BEGAIN: variants seen among roughly 807,000 people sequenced by gnomAD.
BEGAIN encodes brain enriched guanylate kinase associated.
In BEGAIN, 19 loss-of-function variants were observed where a neutral mutation model predicts 35.8. The ratio of observed to expected loss-of-function variants is 0.53; its 90% confidence interval spans 0.37 to 0.78. The LOEUF (loss-of-function observed/expected upper bound fraction) is 0.78, where lower values mean the gene tolerates loss of function less well. BEGAIN is among the 30% of genes least tolerant of loss of function. BEGAIN has a pLI of 0.00. For synonymous variants in BEGAIN, 462 were observed against 388.6 expected (o/e 1.19, Z -2.22); for missense variants, 795 against 853.6 (o/e 0.93, Z 0.85).
At chr14:100,557,613 TC>T (rs1411564353) in intron 2 of BEGAIN, among the ~76,000 whole-genome samples, 1 of 151,938 alleles carries the variant, frequency 6.6e-6, no homozygotes, top group Non-Finnish European at 1.5e-5. Flanking sequence ...CCCATCACTC[TC>T]CTCATTGTAC....
At chr14:100,544,592 G>C (rs2032110007) in intron 4 of BEGAIN, among the ~76,000 whole-genome samples, 1 of 152,180 alleles carries the variant, frequency 6.6e-6, no homozygotes, top group African/African-American at 2.4e-5. Flanking sequence ...TGGTGTGAGG[G>C]TCCCCACAGA....
intron 2 of BEGAIN, among the ~76,000 whole-genome samples, chr14:100,560,554 T>C (rs1465159714): frequency 1.3e-5 from 2 of 151,970 alleles, no homozygotes; most frequent in African/African-American, 4.8e-5. Flanking sequence ...GGGACGGCCA[T>C]TCCAAATGCC....
intron 1 of BEGAIN, among the ~76,000 whole-genome samples, chr14:100,578,856 CTTTTTTTT>C (rs529546763): frequency 7.9e-6 from 1 of 126,996 alleles, no homozygotes; most frequent in Admixed American, 8.5e-5. Flanking sequence ...GCCTCTGGTA[CTTTTTTTT>C]TTTTTTTTTT....
At chr14:100,562,153 G>C (rs1331342080) in intron 2 of BEGAIN, among the ~76,000 whole-genome samples, 1 of 152,132 alleles carries the variant, frequency 6.6e-6, no homozygotes, top group African/African-American at 2.4e-5. Flanking sequence ...GGTAGTGGGT[G>C]GGTTGGAGGA....
At chr14:100,546,443 C>CCCTCA (rs1371949525) in intron 3 of BEGAIN, 58 bp downstream of exon 3, 1 of 141,592 alleles carries the variant, frequency 7.1e-6, no homozygotes, top group African/African-American at 5.0e-5. Flanking sequence ...CTCGCCCCGC[C>CCCTCA]CCGGCCCTCG....
chr14:100,537,748 A>C lies in BEGAIN; in HGVS notation c.*221T>G. The C allele has an allele frequency of 1.8e-6, 1 of 571,058 alleles. No individual in the cohort carries two copies. The highest frequency in any genetic ancestry group is 2.9e-6 in the Non-Finnish European group (1 of 349,446). The allele number at this position is 571,058 out of a possible 1,614,324, so 35.4% of individuals were successfully genotyped here. A position where few individuals can be genotyped will look rare whatever the true frequency, so the allele number is the denominator to read the frequency against. ...GGGAAGGACGCGTGAAAAACGCTCT[A>C]AGTGGAGTTCCACGGGCCGGGGCCG... On this transcript the variant is annotated 3_prime_UTR_variant, in exon 7 of 7. Transcript: ENST00000554140.
intron 5 of BEGAIN, 100 bp from the exon 6 acceptor site, chr14:100,540,679 G>A (rs2031473273): frequency 1.2e-6 from 1 of 832,558 alleles, no homozygotes; most frequent in East Asian, 2.7e-5. Flanking sequence ...GTGTGCACAG[G>A]GCCTGCTGTG....
intron 1 of BEGAIN, among the ~76,000 whole-genome samples, chr14:100,584,579 ATCAT>A (rs968465411): frequency 2.0e-5 from 3 of 152,302 alleles, no homozygotes; most frequent in African/African-American, 4.8e-5. Context: ...TTAGTCATTC[ATCAT>A]TCATTCATTC....
chr14:100,561,312 C>T (rs892498012), intron 2 of BEGAIN, among the ~76,000 whole-genome samples: 4 of 152,218 alleles, frequency 2.6e-5, no homozygotes, highest in East Asian at 1.9e-4. Flanking sequence ...CCACCCGAGA[C>T]GGGCAGGCCA....
intron 1 of BEGAIN, among the ~76,000 whole-genome samples, chr14:100,576,162 C>T (rs1165403564): frequency 2.0e-5 from 3 of 152,138 alleles, no homozygotes; most frequent in Admixed American, 6.5e-5. Context: ...GCTGCCTGGC[C>T]CCAGCTGGCC....
intron 2 of BEGAIN, 160 bp from the exon 3 acceptor site, chr14:100,546,822 A>C (rs866963091): frequency 3.1e-5 from 17 of 551,602 alleles, no homozygotes; most frequent in African/African-American, 2.1e-4. Flanking sequence ...ACTCACACAC[A>C]CCCAGCCTCC....
At chr14:100,551,999 G>T (rs542461570) in intron 2 of BEGAIN, among the ~76,000 whole-genome samples, 3 of 152,144 alleles carry the variant, frequency 2.0e-5, no homozygotes, top group Non-Finnish European at 4.4e-5. Context: ...GGATGAGTGC[G>T]TTCGCTCGAG....
Position 100,538,938 on chromosome 14 carries a change from C to T in BEGAIN, c.870G>A (p.Glu290=), listed in dbSNP as rs1398438743. ...CCGGGAAGGCCGCCGCCTCGGCCTC[C>T]TCCTCCTCCTCGGCCGCGCTGTCAG... The part of the protein sequence containing the change: ...NSTDSAAEEE[E]EAEAAAFPAG... The change falls in exon 7 of 7, where the codon GAG becomes GAA. Residue 290 remains glutamate (E), a synonymous_variant. Transcript: ENST00000554140. 6.2e-7 allele frequency: 1 copy of T among 1,608,426 alleles called. No homozygotes were observed. Among genetic ancestry groups the T allele is most frequent in the African/African-American group, 1.3e-5 (1 of 74,840 alleles).
intron 2 of BEGAIN, among the ~76,000 whole-genome samples, chr14:100,551,827 C>A (rs2033232465): frequency 6.6e-6 from 1 of 152,044 alleles, no homozygotes; most frequent in Non-Finnish European, 1.5e-5. Flanking sequence ...AGCTGCTCTG[C>A]AGAAGTGGGC....
rs764230930 is a variant in BEGAIN, at chr14:100,539,109, C to T, written c.699G>A (p.Glu233=). ...TGTAGGGGGGCCGCGGGCCTGGTTT[C>T]TCCACCCCGTCGCAGAAGGCCAGGT... The part of the protein sequence containing the change: ...ARDLAFCDGV[E]KPGPRPPYKG... The change falls in exon 7 of 7, where the codon GAG becomes GAA. Residue 233 remains glutamate (E), a synonymous_variant. Transcript: ENST00000554140. 13 of 1,608,932 alleles carry T rather than the reference C, an allele frequency of 8.1e-6. No homozygotes were observed. The highest frequency in any genetic ancestry group is 1.0e-5 in the Non-Finnish European group (12 of 1,176,856).
At chr14:100,579,944 G>C (rs575632751) in intron 1 of BEGAIN, among the ~76,000 whole-genome samples, 2 of 152,264 alleles carry the variant, frequency 1.3e-5, no homozygotes, top group African/African-American at 4.8e-5. Flanking sequence ...ATCCCTTCCT[G>C]TGCCTCCTGA....
intron 2 of BEGAIN, among the ~76,000 whole-genome samples, chr14:100,555,205 G>A (rs531244358): frequency 2.6e-5 from 4 of 152,250 alleles, no homozygotes; most frequent in African/African-American, 9.6e-5. Flanking sequence ...GCCGTCTGGG[G>A]TCTCCCTGCA....
chr14:100,574,921 T>A lies in BEGAIN; in HGVS notation c.43-6982A>T, dbSNP rs2035170496. Among the ~76,000 whole-genome samples, 3 of 152,338 alleles carry A rather than the reference T, an allele frequency of 2.0e-5. No individual in the cohort carries two copies. In the South Asian group the frequency reaches 6.2e-4, roughly 32 times the overall value. ...TGTGCTTCCTGCTCCTTCTTGACTT[T>A]TGTTCTCAGATAAACATTGGATCGA... On this transcript the variant is annotated intron_variant, in intron 1 of 6. Coordinates refer to ENST00000554140, the MANE Select transcript of BEGAIN (RefSeq NM_001385089.1).
intron 1 of BEGAIN, among the ~76,000 whole-genome samples, chr14:100,580,735 G>GT (rs1353185478): frequency 1.3e-5 from 2 of 152,318 alleles, no homozygotes; most frequent in African/African-American, 4.8e-5. Flanking sequence ...CCCGTAGAAT[G>GT]TAACTTCCAC....
Sources: gnomAD v4.1 joint callset for allele counts (sites outside exome capture counted in the v4.1 genomes callset) on GRCh38, gnomAD v4.1.1 for gene constraint, MANE v1.5 for transcripts, NCBI Gene and HGNC (gene_info 2026-07-23, HGNC 2026-07-21) for gene names.